Variants in LINGO2 observed in about 807,000 individuals in gnomAD.
The protein encoded by LINGO2 is leucine-rich repeat and immunoglobulin-like domain-containing nogo receptor-interacting protein 2.
A neutral mutation model predicts 30.6 loss-of-function variants in LINGO2; 14 were observed. That is an observed-to-expected ratio of 0.46 (90% CI 0.30 to 0.72). The LOEUF (loss-of-function observed/expected upper bound fraction) is 0.72. Ranked by LOEUF, LINGO2 falls within the 30% of genes least tolerant of loss-of-function variation. The pLI, the probability that LINGO2 is intolerant of heterozygous loss-of-function variation, is 0.07. For missense variants in LINGO2, 729 were observed against 751.7 expected (o/e 0.97, Z 0.35); for synonymous variants, 317 against 288.5 (o/e 1.10, Z -1.00).
chr9:28,956,472 C>T, the LINGO2 span, among the ~76,000 whole-genome samples: 17 of 152,174 alleles, frequency 1.1e-4, no homozygotes, highest in African/African-American at 2.9e-4. Context: ...AAGTGAAGTG[C>T]GGGAATCACA....
chr9:28,099,311 G>A (rs770967033), intron 4 of LINGO2, among the ~76,000 whole-genome samples: 12 of 152,030 alleles, frequency 7.9e-5, no homozygotes, highest in Non-Finnish European at 7.4e-5. Context: ...CAAAATATCA[G>A]CAAACAAAAA....
chr9:28,167,128 C>T (rs1297817354), intron 4 of LINGO2, among the ~76,000 whole-genome samples: 1 of 141,234 alleles, frequency 7.1e-6, no homozygotes, highest in African/African-American at 2.6e-5. Context: ...GGAGCTTTTA[C>T]TTAATATAGC....
chr9:28,377,217 C>T (rs1821164001), intron 2 of LINGO2, among the ~76,000 whole-genome samples: 1 of 152,128 alleles, frequency 6.6e-6, no homozygotes, highest in Non-Finnish European at 1.5e-5. Context: ...CCTCTTCTGC[C>T]TCTGCCATGC....
chr9:28,975,201 C>CG, the LINGO2 span, among the ~76,000 whole-genome samples: 19 of 80,502 alleles, frequency 2.4e-4, no homozygotes, highest in East Asian at 5.9e-3. Flanking sequence ...GTGATTTACA[C>CG]AAAAGAGAAA....
intron 1 of LINGO2, among the ~76,000 whole-genome samples, chr9:28,582,447 T>G (rs192277221): frequency 1.3e-5 from 2 of 152,148 alleles, no homozygotes; most frequent in East Asian, 3.9e-4. Flanking sequence ...GTAACCGTGC[T>G]TCTGAAAGTT....
chr9:28,944,787 T>C, the LINGO2 span, among the ~76,000 whole-genome samples: 2 of 151,920 alleles, frequency 1.3e-5, no homozygotes, highest in Non-Finnish European at 2.9e-5. Flanking sequence ...AAAGATGACA[T>C]ACAAACAGTC....
chr9:28,236,948 C>T (rs559060243), intron 4 of LINGO2, among the ~76,000 whole-genome samples: 1 of 152,110 alleles, frequency 6.6e-6, no homozygotes, highest in South Asian at 2.1e-4. Context: ...CCCAATTTGT[C>T]ATCATGTGAT....
the LINGO2 span, among the ~76,000 whole-genome samples, chr9:28,994,440 T>G: frequency 6.6e-6 from 1 of 151,820 alleles, no homozygotes; most frequent in Non-Finnish European, 1.5e-5. Flanking sequence ...ATGGCCATAC[T>G]GCCCAAGGTA....
At chr9:28,348,285 G>C (rs1819673479) in intron 3 of LINGO2, among the ~76,000 whole-genome samples, 1 of 152,122 alleles carries the variant, frequency 6.6e-6, no homozygotes, top group South Asian at 2.1e-4. Flanking sequence ...AGGTCAGTGG[G>C]TGTGTGCACC....
chr9:28,670,106 T>C (rs966236146), intron 1 of LINGO2, 94 bp downstream of exon 3: 4 of 152,036 alleles, frequency 2.6e-5, no homozygotes, highest in Non-Finnish European at 5.9e-5. Flanking sequence ...AATAAAATTA[T>C]CCACTTCCTT....
At chr9:28,685,166 T>G in the LINGO2 span, among the ~76,000 whole-genome samples, 2 of 152,222 alleles carry the variant, frequency 1.3e-5, no homozygotes, top group Non-Finnish European at 2.9e-5. Context: ...TTCTCATTCT[T>G]TTTTATGATT....
chr9:28,142,474 G>A (rs1038540893), intron 4 of LINGO2, among the ~76,000 whole-genome samples: 1 of 151,908 alleles, frequency 6.6e-6, no homozygotes, highest in Admixed American at 6.6e-5. Flanking sequence ...TGTTGTTCAG[G>A]ATTAAATAAC....
intron 1 of LINGO2, among the ~76,000 whole-genome samples, chr9:28,627,053 G>C (rs543079258): frequency 1.3e-5 from 2 of 151,696 alleles, no homozygotes; most frequent in South Asian, 4.2e-4. Context: ...TTTTGAGTTT[G>C]TGTATTTTTT....
At chr9:28,848,405 A>C in the LINGO2 span, among the ~76,000 whole-genome samples, 1 of 94,344 alleles carries the variant, frequency 1.1e-5, no homozygotes, top group Non-Finnish European at 2.1e-5. Flanking sequence ...GTGTATATAT[A>C]TATATATATA....
At chr9:28,455,590 T>G (rs1359196854) in intron 2 of LINGO2, among the ~76,000 whole-genome samples, 1 of 152,106 alleles carries the variant, frequency 6.6e-6, no homozygotes, top group African/African-American at 2.4e-5. Context: ...AGGTATGGGT[T>G]TTGAGAAGGG....
intron 4 of LINGO2, among the ~76,000 whole-genome samples, chr9:28,052,409 T>TG: frequency 6.6e-6 from 1 of 152,174 alleles, no homozygotes; most frequent in South Asian, 2.1e-4. Context: ...GTAGCCACTG[T>TG]GGGGAATTTG....
At chr9:28,375,567 T>A (rs1407635968) in intron 2 of LINGO2, among the ~76,000 whole-genome samples, 1 of 152,226 alleles carries the variant, frequency 6.6e-6, no homozygotes, top group Non-Finnish European at 1.5e-5. Context: ...CTTGTCCTGG[T>A]ACGCACTGCA....
chr9:28,888,960 T>A, the LINGO2 span: 1 of 529,754 alleles, frequency 1.9e-6, no homozygotes, highest in South Asian at 1.4e-5. Flanking sequence ...GCACACAAAC[T>A]TATTCTAAGC....
chr9:29,125,669 G>T, the LINGO2 span, among the ~76,000 whole-genome samples: 1 of 152,060 alleles, frequency 6.6e-6, no homozygotes, highest in Non-Finnish European at 1.5e-5. Context: ...AACATTCTGT[G>T]AAATTTCTTA....
Sources: allele counts gnomAD v4.1 joint callset (sites outside exome capture counted in the v4.1 genomes callset), GRCh38; gene constraint gnomAD v4.1.1; transcripts MANE v1.5; gene names NCBI Gene and HGNC (gene_info 2026-07-23, HGNC 2026-07-21).